The following UGT1A10 variants were observed in gnomAD, a reference collection of about 807,000 sequenced individuals.
UGT1A10 encodes the protein UDP-glucuronosyltransferase 1A10.
Under a neutral mutation model 45.8 loss-of-function variants are expected in UGT1A10, and 49 were observed. That is an observed-to-expected ratio of 1.07 (90% CI 0.85 to 1.36). UGT1A10 has a LOEUF of 1.36. Among genes scored for constraint, UGT1A10 ranks in the 40% most tolerant of loss-of-function variants. The pLI is 0.00. For synonymous variants in UGT1A10, 284 were observed against 249.7 expected (o/e 1.14, Z -1.29); for missense variants, 745 against 668.6 (o/e 1.11, Z -1.26).
intron 1 of UGT1A10, among the ~76,000 whole-genome samples, chr2:233,696,279 C>T (rs537707708): frequency 2.6e-5 from 4 of 152,226 alleles, no homozygotes; most frequent in Admixed American, 6.5e-5. Context: ...ATAAAGAAAA[C>T]GTAGGACTGT....
rs574626292 is a variant in UGT1A10 at position 233,672,255 on chromosome 2, T to G, written c.855+34878T>G. On this transcript the variant is annotated intron_variant, in intron 1 of 4. Transcript: ENST00000344644. ...AAGCACAAGTACGAAGTATATATTC[T>G]CTATTAATGGGTTCATACAATGACA... 15 of 1,614,196 alleles carry G rather than the reference T, an allele frequency of 9.3e-6. No homozygotes were observed. The South Asian group carries it at 1.6e-4, about 18-fold the overall frequency.
chr2:233,734,229 A>T (rs907561316), intron 1 of UGT1A10, among the ~76,000 whole-genome samples: 6 of 152,114 alleles, frequency 3.9e-5, no homozygotes, highest in African/African-American at 1.2e-4. Context: ...TCAGAGATTC[A>T]ACTTCTTCCT....
At chr2:233,686,264 G>C (rs1414310653) in intron 1 of UGT1A10, among the ~76,000 whole-genome samples, 1 of 149,158 alleles carries the variant, frequency 6.7e-6, no homozygotes, top group African/African-American at 2.5e-5. Flanking sequence ...TTTTTTTCTT[G>C]TACCAAAAGT....
intron 1 of UGT1A10, chr2:233,721,701 C>T: frequency 2.8e-6 from 1 of 362,480 alleles, no homozygotes; most frequent in Non-Finnish European, 5.5e-6. Flanking sequence ...ACGCATGGCT[C>T]ATCTTGGATG....
At chr2:233,717,742 G>C (rs956280434) in intron 1 of UGT1A10, 27 of 456,394 alleles carry the variant, frequency 5.9e-5, no homozygotes, top group Non-Finnish European at 1.1e-4. Context: ...GAGTGCTCAG[G>C]GTCTCCCCCT....
chr2:233,650,778 A>T (rs1180891594), intron 1 of UGT1A10, among the ~76,000 whole-genome samples: 1 of 152,188 alleles, frequency 6.6e-6, no homozygotes, highest in African/African-American at 2.4e-5. Flanking sequence ...ACTAGATCCT[A>T]TTCAGACATG....
At position 233,684,025 on chromosome 2, in the gene UGT1A10, T is replaced by C. The variant is rs28898569; in HGVS notation, c.855+46648T>C. On this transcript the variant is annotated intron_variant, in intron 1 of 4. Coordinates refer to ENST00000344644, the MANE Select transcript of UGT1A10 (RefSeq NM_019075.4). Reference sequence around the variant, plus strand: ...AAGAGTAAGATTCTTGGCAAATGCATAGTTGCTAAATCCAGGTGAAACACC... The same window carrying C: ...AAGAGTAAGATTCTTGGCAAATGCACAGTTGCTAAATCCAGGTGAAACACC... Among the ~76,000 whole-genome samples the C allele has an allele frequency of 3.7e-3, 565 of 152,300 alleles. 7 individuals carry two copies. The highest frequency in any genetic ancestry group is 0.013 in the African/African-American group (541 of 41,568).
intron 1 of UGT1A10, among the ~76,000 whole-genome samples, chr2:233,637,919 A>C (rs1190126292): frequency 6.6e-6 from 1 of 152,188 alleles, no homozygotes; most frequent in African/African-American, 2.4e-5. Flanking sequence ...TAATAATTGC[A>C]TAAAATTCTT....
At position 233,707,178 on chromosome 2, in the gene UGT1A10, G is replaced by A. The variant is rs188672794; in HGVS notation, c.856-59856G>A. 2.8e-3 allele frequency among the ~76,000 whole-genome samples: 419 copies of A among 152,098 alleles called. 4 individuals are homozygous for A. Among genetic ancestry groups the A allele is most frequent in the African/African-American group, 9.8e-3 (406 of 41,496 alleles). Reference sequence around the variant, plus strand: ...TATCAGCACCCAGACATCCATCCTGGGTGCCTGCCCTCCGTTCTATTCCCT... The same window carrying A: ...TATCAGCACCCAGACATCCATCCTGAGTGCCTGCCCTCCGTTCTATTCCCT... On this transcript the variant is annotated intron_variant, in intron 1 of 4. Coordinates refer to ENST00000344644, the MANE Select transcript of UGT1A10 (RefSeq NM_019075.4).
chr2:233,700,896 C>T (rs1024170878), intron 1 of UGT1A10, among the ~76,000 whole-genome samples: 2 of 151,952 alleles, frequency 1.3e-5, no homozygotes, highest in African/African-American at 4.8e-5. Flanking sequence ...CAACAGTCCC[C>T]GGTGTGTGAC....
Position 233,772,379 on chromosome 2 carries a change from G to A in UGT1A10, c.1413G>A (p.Leu471=), listed in dbSNP as rs1255487594. ...FVMRHKGAPH[L]RPAAHDLTWY... is the part of the protein sequence containing the mutation. ...TGAGGCACAAGGGCGCGCCACACCTGCGCCCCGCAGCCCACGACCTCACCT... is the reference window on the plus strand; with the variant it reads ...TGAGGCACAAGGGCGCGCCACACCTACGCCCCGCAGCCCACGACCTCACCT... The change falls in exon 5 of 5, where the codon CTG becomes CTA. Residue 471 remains leucine, a synonymous_variant. Transcript: ENST00000344644. 1.2e-6 allele frequency: 2 copies of A among 1,614,130 alleles called. No individual in the cohort carries two copies. The highest frequency in any genetic ancestry group is 2.7e-5 in the African/African-American group (2 of 74,950).
chr2:233,636,893 G>T lies in UGT1A10; in HGVS notation c.371G>T (p.Cys124Phe), dbSNP rs1357198384. The T allele has an allele frequency of 3.1e-6, 5 of 1,613,910 alleles. No homozygotes were observed. Among genetic ancestry groups the T allele is most frequent in the Middle Eastern group, 1.6e-4 (1 of 6,084 alleles). ...TTTCTTGACTTATTTTTTTCGCATTGCAGGAGTTTGTTTAATGACCGAAAA... is the reference window on the plus strand; with the variant it reads ...TTTCTTGACTTATTTTTTTCGCATTTCAGGAGTTTGTTTAATGACCGAAAA... ...SGFLDLFFSH[C>F]RSLFNDRKLV... Residue 124 changes from cysteine (C) to phenylalanine (F), a missense_variant, in exon 1 of 5, where the codon TGC (cysteine) becomes TTC (phenylalanine). Physicochemically the swap from Cys to Phe is radical, Grantham distance 205 (BLOSUM62 -2). Coordinates refer to ENST00000344644, the MANE Select transcript of UGT1A10 (RefSeq NM_019075.4).
At chr2:233,706,143 A>ACC (rs2075890975) in intron 1 of UGT1A10, among the ~76,000 whole-genome samples, 1 of 152,234 alleles carries the variant, frequency 6.6e-6, no homozygotes, top group African/African-American at 2.4e-5. Context: ...TATTAAACAA[A>ACC]GCATGAGAAC....
At chr2:233,705,822 G>A (rs1029113786) in intron 1 of UGT1A10, among the ~76,000 whole-genome samples, 1 of 152,156 alleles carries the variant, frequency 6.6e-6, no homozygotes, top group Admixed American at 6.6e-5. Context: ...ATTTCAGGCC[G>A]AGCACAGTGG....
chr2:233,679,347 T>C (rs1476789174), intron 1 of UGT1A10, among the ~76,000 whole-genome samples: 1 of 152,240 alleles, frequency 6.6e-6, no homozygotes. Context: ...AGTCCTTCTT[T>C]TTGTACAACA....
intron 1 of UGT1A10, among the ~76,000 whole-genome samples, chr2:233,764,766 A>C (rs1389982241): frequency 6.6e-6 from 1 of 152,156 alleles, no homozygotes; most frequent in Non-Finnish European, 1.5e-5. Flanking sequence ...CTAGGGAGGA[A>C]GGAGTTCAGA....
intron 1 of UGT1A10, chr2:233,691,718 G>C: frequency 1.1e-6 from 1 of 898,996 alleles, no homozygotes; most frequent in Non-Finnish European, 1.3e-6. Flanking sequence ...CTGGCAGATG[G>C]GTGGCTGGGC....
intron 1 of UGT1A10, chr2:233,691,301 C>G: frequency 1.0e-6 from 1 of 985,520 alleles, no homozygotes. Context: ...GCTGCCAATC[C>G]TCTTGGGAGG....
At chr2:233,665,580 G>T (rs1033696496) in intron 1 of UGT1A10, among the ~76,000 whole-genome samples, 1 of 152,212 alleles carries the variant, frequency 6.6e-6, no homozygotes, top group African/African-American at 2.4e-5. Flanking sequence ...AGGCAAGGTA[G>T]GGCAGGAGAA....
Sources: gnomAD v4.1 joint callset for allele counts (sites outside exome capture counted in the v4.1 genomes callset) on GRCh38, gnomAD v4.1.1 for gene constraint, MANE v1.5 for transcripts, NCBI Gene and HGNC (gene_info 2026-07-23, HGNC 2026-07-21) for gene names.